Variants in DNAJC1 observed in about 807,000 individuals in gnomAD.
DNAJC1 encodes dnaJ homolog subfamily C member 1.
DNAJC1 carries 58 observed loss-of-function variants against 76.6 expected under a neutral mutation model. The ratio of observed to expected loss-of-function variants is 0.76; its 90% CI spans 0.61 to 0.94. DNAJC1 has a LOEUF of 0.94. DNAJC1 is among the 40% of genes least tolerant of loss of function. The probability of loss-of-function intolerance (pLI) is 0.00; values close to 1 mark genes in which losing one functional copy is unlikely to be tolerated. For synonymous variants in DNAJC1, 258 were observed against 267.9 expected (o/e 0.96, Z 0.36); for missense variants, 689 against 677.3 (o/e 1.02, Z -0.19).
At chr10:21,900,376 G>A (rs78255638) in intron 7 of DNAJC1, among the ~76,000 whole-genome samples, 1 of 151,096 alleles carries the variant, frequency 6.6e-6, no homozygotes, top group African/African-American at 2.4e-5. Flanking sequence ...AAAAGATAAA[G>A]AAATTTGACT....
intron 8 of DNAJC1, among the ~76,000 whole-genome samples, chr10:21,849,949 G>C (rs1835726641): frequency 6.6e-6 from 1 of 152,020 alleles, no homozygotes; most frequent in East Asian, 1.9e-4. Flanking sequence ...CAATAAAGTA[G>C]GAATAGAAGG....
intron 8 of DNAJC1, among the ~76,000 whole-genome samples, chr10:21,822,632 C>A (rs1211218879): frequency 6.6e-6 from 1 of 151,884 alleles, no homozygotes; most frequent in Non-Finnish European, 1.5e-5. Flanking sequence ...GCCCAATAAT[C>A]CACTGTCAGT....
At chr10:21,769,413 C>T (rs1348011153) in intron 9 of DNAJC1, among the ~76,000 whole-genome samples, 1 of 152,202 alleles carries the variant, frequency 6.6e-6, no homozygotes, top group Non-Finnish European at 1.5e-5. Context: ...CCTGATTTTA[C>T]AGAATCTGAG....
At chr10:21,877,354 T>C (rs1359684305) in intron 8 of DNAJC1, among the ~76,000 whole-genome samples, 1 of 151,760 alleles carries the variant, frequency 6.6e-6, no homozygotes, top group Non-Finnish European at 1.5e-5. Context: ...GGCAGACTGA[T>C]TAATATAATT....
At chr10:21,879,334 T>C (rs1836234702) in intron 8 of DNAJC1, among the ~76,000 whole-genome samples, 1 of 152,182 alleles carries the variant, frequency 6.6e-6, no homozygotes, top group African/African-American at 2.4e-5. Context: ...ATATAAAAGT[T>C]GTTTATAAGC....
At chr10:21,868,080 A>AAAAAAAAAAAAAC (rs1564812352) in intron 8 of DNAJC1, among the ~76,000 whole-genome samples, 1 of 110,772 alleles carries the variant, frequency 9.0e-6, no homozygotes, top group Non-Finnish European at 1.7e-5. Flanking sequence ...TGTCTCCAAA[A>AAAAAAAAAAAAAC]AAAAAAAAAC....
intron 8 of DNAJC1, among the ~76,000 whole-genome samples, chr10:21,873,245 G>C (rs1221746213): frequency 7.9e-5 from 12 of 152,102 alleles, no homozygotes; most frequent in South Asian, 2.1e-4. Context: ...GCTAAATAAA[G>C]CCCTCTCCTT....
At chr10:22,000,588 G>C (rs1838502809) in intron 1 of DNAJC1, among the ~76,000 whole-genome samples, 1 of 152,172 alleles carries the variant, frequency 6.6e-6, no homozygotes, top group African/African-American at 2.4e-5. Flanking sequence ...GCTCTTCCTT[G>C]AATGTCCTTC....
chr10:21,924,708 G>T (rs1332120511), intron 3 of DNAJC1, among the ~76,000 whole-genome samples: 1 of 152,184 alleles, frequency 6.6e-6, no homozygotes, highest in African/African-American at 2.4e-5. Flanking sequence ...AATAATGACA[G>T]TCACTGGGTC....
chr10:21,786,437 T>C (rs1361748596), intron 9 of DNAJC1, among the ~76,000 whole-genome samples: 2 of 27,614 alleles, frequency 7.2e-5, no homozygotes, highest in Non-Finnish European at 1.5e-4. Context: ...AATATATATA[T>C]ATATATATAT....
intron 8 of DNAJC1, among the ~76,000 whole-genome samples, chr10:21,821,158 C>T (rs999609677): frequency 3.9e-5 from 6 of 152,098 alleles, no homozygotes; most frequent in East Asian, 3.9e-4. Context: ...TCTGGAATGA[C>T]GGTCTTATGA....
chr10:21,789,241 C>G (rs1181494855), intron 9 of DNAJC1, among the ~76,000 whole-genome samples: 1 of 152,216 alleles, frequency 6.6e-6, no homozygotes, highest in Admixed American at 6.5e-5. Context: ...ACCTAGGCCA[C>G]TGAGGCAGTC....
At chr10:21,999,880 G>C (rs914836995) in intron 1 of DNAJC1, among the ~76,000 whole-genome samples, 1 of 151,976 alleles carries the variant, frequency 6.6e-6, no homozygotes, top group Non-Finnish European at 1.5e-5. Flanking sequence ...TAAGTGCCTC[G>C]GACTCCCAAA....
In DNAJC1 at chr10:21,759,460, C is replaced by G. The variant is rs774109956; in HGVS notation, c.1306G>C (p.Gly436Arg). The G allele has an allele frequency of 7.4e-6, 12 of 1,614,046 alleles. No individual in the cohort carries two copies. Among genetic ancestry groups the G allele is most frequent in the Non-Finnish European group, 9.3e-6 (11 of 1,180,052 alleles). Residue 436 changes from glycine (G) to arginine (R), a missense_variant, in exon 11 of 12, where the codon GGG (glycine) becomes CGG (arginine). By Grantham distance (125) the Gly-to-Arg change is moderately radical. Transcript: ENST00000376980. ...QEGDSGEQET[G>R]ATDARPRRRK... is the part of the protein sequence containing the mutation. Reference sequence around the variant, plus strand: ...CTCCGAGGCCGGGCATCAGTGGCCCCGGTCTCCTGCTCACCGGAGTCTCCC... The same window carrying G: ...CTCCGAGGCCGGGCATCAGTGGCCCGGGTCTCCTGCTCACCGGAGTCTCCC...
At chr10:21,885,135 CG>C (rs1478983395) in intron 7 of DNAJC1, among the ~76,000 whole-genome samples, 15 of 151,990 alleles carry the variant, frequency 9.9e-5, no homozygotes, top group Admixed American at 5.2e-4. Flanking sequence ...TCACAAGTAA[CG>C]ATGCCCTTAG....
At chr10:21,980,964 T>C (rs1838146349) in intron 1 of DNAJC1, among the ~76,000 whole-genome samples, 1 of 152,066 alleles carries the variant, frequency 6.6e-6, no homozygotes, top group Non-Finnish European at 1.5e-5. Context: ...TATTCCTCCT[T>C]AAGTGTGGTA....
At chr10:21,897,551 C>T (rs1590038646) in intron 7 of DNAJC1, among the ~76,000 whole-genome samples, 2 of 152,276 alleles carry the variant, frequency 1.3e-5, no homozygotes, top group Non-Finnish European at 1.5e-5. Context: ...TTACTGCCTG[C>T]GCCCTGCTTC....
intron 3 of DNAJC1, among the ~76,000 whole-genome samples, chr10:21,927,109 C>T (rs1837140612): frequency 6.6e-6 from 1 of 152,082 alleles, no homozygotes; most frequent in Admixed American, 6.5e-5. Flanking sequence ...CACAGAATGA[C>T]CAAAACTTCT....
chr10:21,864,422 C>A (rs191880332), intron 8 of DNAJC1, among the ~76,000 whole-genome samples: 1 of 152,176 alleles, frequency 6.6e-6, no homozygotes, highest in African/African-American at 2.4e-5. Context: ...GAGATTGAGA[C>A]CATCCTGGCT....
Sources: gnomAD v4.1 joint callset for allele counts (sites outside exome capture counted in the v4.1 genomes callset) on GRCh38, gnomAD v4.1.1 for gene constraint, MANE v1.5 for transcripts, NCBI Gene and HGNC (gene_info 2026-07-23, HGNC 2026-07-21) for gene names.